The following CFH variants were observed in gnomAD, a reference collection of about 807,000 sequenced individuals.
CFH encodes complement factor H, also known as H factor 1 (complement).
A neutral mutation model predicts 147.3 loss-of-function variants in CFH; 53 were observed. That is an observed-to-expected ratio of 0.36 (90% confidence interval 0.29 to 0.45). The LOEUF (loss-of-function observed/expected upper bound fraction) is 0.45. CFH is among the 20% of genes least tolerant of loss of function. The pLI is 1.00. For missense variants in CFH, 1,380 were observed against 1,498.0 expected (o/e 0.92, Z 1.30); for synonymous variants, 536 against 489.4 (o/e 1.10, Z -1.26).
chr1:196,700,756 G>T (rs1393869504), intron 9 of CFH: 8 of 937,900 alleles, frequency 8.5e-6, no homozygotes, highest in Non-Finnish European at 8.9e-6. Flanking sequence ...GGCTGACCCA[G>T]AGAGAAGCTC....
chr1:196,674,960 T>A (rs970064596), intron 3 of CFH, among the ~76,000 whole-genome samples: 1 of 152,192 alleles, frequency 6.6e-6, no homozygotes, highest in Non-Finnish European at 1.5e-5. Context: ...TATGAATTTA[T>A]TCTCTCCTTA....
chr1:196,742,155 A>G (rs1307073962), intron 19 of CFH, 104 bp downstream of exon 19: 1 of 1,073,082 alleles, frequency 9.3e-7, no homozygotes, highest in Non-Finnish European at 1.4e-6. Flanking sequence ...TGGGCGGATC[A>G]CTTGAGGTCA....
At chr1:196,688,849 G>T (rs1667920092) in intron 7 of CFH, among the ~76,000 whole-genome samples, 2 of 152,080 alleles carry the variant, frequency 1.3e-5, no homozygotes, top group African/African-American at 2.4e-5. Flanking sequence ...CCTTACGAGT[G>T]ATCTGCCTGT....
chr1:196,722,439 T>C (rs965359666), intron 11 of CFH, among the ~76,000 whole-genome samples: 4 of 152,182 alleles, frequency 2.6e-5, no homozygotes, highest in African/African-American at 4.8e-5. Flanking sequence ...TTGTACAGTT[T>C]CTGCTGAGAA....
At chr1:196,728,107 A>G (rs1258610332) in intron 14 of CFH, among the ~76,000 whole-genome samples, 2 of 152,044 alleles carry the variant, frequency 1.3e-5, no homozygotes, top group Non-Finnish European at 2.9e-5. Flanking sequence ...GTATTTCCCA[A>G]AGAATAAAAT....
intron 9 of CFH, among the ~76,000 whole-genome samples, chr1:196,702,417 G>A (rs752844265): frequency 1.3e-5 from 2 of 151,580 alleles, no homozygotes; most frequent in Non-Finnish European, 2.9e-5. Context: ...CAGCCTATAG[G>A]ATTTATCTTG....
chr1:196,726,232 C>T (rs1049739345), intron 12 of CFH, among the ~76,000 whole-genome samples: 4 of 152,018 alleles, frequency 2.6e-5, no homozygotes, highest in Non-Finnish European at 4.4e-5. Flanking sequence ...AATTGGTTTT[C>T]TTGCATCTTT....
At chr1:196,718,411 A>T (rs1468814820) in intron 11 of CFH, among the ~76,000 whole-genome samples, 1 of 152,140 alleles carries the variant, frequency 6.6e-6, no homozygotes, top group Non-Finnish European at 1.5e-5. Flanking sequence ...TATAGTGAGA[A>T]GGGTATGTGC....
At chr1:196,692,027 A>G (rs1170335145) in intron 9 of CFH, among the ~76,000 whole-genome samples, 1 of 152,042 alleles carries the variant, frequency 6.6e-6, no homozygotes, top group African/African-American at 2.4e-5. Flanking sequence ...TATTTTGTAC[A>G]TTGTGTGTGT....
At chr1:196,690,468 C>T in intron 9 of CFH, 2 of 601,422 alleles carry the variant, frequency 3.3e-6, no homozygotes, top group Non-Finnish European at 5.9e-6. Flanking sequence ...GTCAAGAATA[C>T]AGTAAAAGAA....
chr1:196,678,660 A>C (rs1417122999), intron 5 of CFH: 2 of 152,074 alleles, frequency 1.3e-5, no homozygotes, highest in African/African-American at 4.8e-5. Flanking sequence ...GTGGTTAGTG[A>C]AAACTTCCTG....
chr1:196,737,539 A>C lies in CFH; in HGVS notation c.2661A>C (p.Ser887=). The change falls in exon 17 of 22, where the codon TCA becomes TCC. Residue 887 remains serine, a synonymous_variant. Coordinates refer to ENST00000367429, the MANE Select transcript of CFH (RefSeq NM_000186.4). ...GAACCATTAATTCATCCAGGTCTTC[A>C]CAAGAAAGTTATGCACATGGGACTA... The part of the protein sequence containing the change: ...EHGTINSSRS[S]QESYAHGTKL... 3 of 1,613,468 alleles carry C rather than the reference A, an allele frequency of 1.9e-6. No individual in the cohort carries two copies.
intron 1 of CFH, among the ~76,000 whole-genome samples, chr1:196,667,869 C>A (rs1667151152): frequency 6.6e-6 from 1 of 152,078 alleles, no homozygotes; most frequent in South Asian, 2.1e-4. Context: ...TTAGCAATTA[C>A]AACAAAACAT....
chr1:196,725,377 C>A lies in CFH; in HGVS notation c.1873+80C>A, dbSNP rs569503244. The A allele has an allele frequency of 1.2e-4, 159 of 1,336,116 alleles. 3 individuals carry two copies. In the South Asian group the frequency reaches 1.8e-3, roughly 15 times the overall value. The allele number at this position is 1,336,116 out of a possible 1,614,324, so 82.8% of individuals were successfully genotyped here. The stretch of plus-strand genomic sequence containing the variant: ...TTTTTTCTTATTAATTTTGTTTGGG[C>A]TCCCATTGCCTGTAATCTAATGAAT... On this transcript the variant is annotated intron_variant, in intron 12 of 21. Transcript: ENST00000367429.
At chr1:196,653,641 A>T (rs1666579351) in intron 1 of CFH, among the ~76,000 whole-genome samples, 1 of 152,084 alleles carries the variant, frequency 6.6e-6, no homozygotes, top group Non-Finnish European at 1.5e-5. Flanking sequence ...TGAATTTGAA[A>T]TATTATTAAA....
rs1667949556 is a variant in CFH at position 196,689,458 on chromosome 1, C to T, written c.1003C>T (p.Leu335=). 1 of 1,613,122 alleles carries T rather than the reference C, an allele frequency of 6.2e-7. No individual in the cohort carries two copies. The highest frequency in any genetic ancestry group is 1.7e-5 in the Admixed American group (1 of 59,892). Residue 335 remains leucine (L), a synonymous_variant, in exon 8 of 22, where the codon CTA becomes TTA. Coordinates refer to ENST00000367429, the MANE Select transcript of CFH (RefSeq NM_000186.4). ...CDYPDIKHGG[L]YHENMRRPYF... ...TTATCCAGACATTAAACATGGAGGT[C>T]TATATCATGAGAATATGCGTAGACC...
intron 1 of CFH, among the ~76,000 whole-genome samples, chr1:196,663,519 G>C (rs775415570): frequency 6.6e-6 from 1 of 151,996 alleles, no homozygotes; most frequent in Non-Finnish European, 1.5e-5. Context: ...GTTGATTATA[G>C]TCTGTATATA....
chr1:196,692,817 TC>T (rs1558163842), intron 9 of CFH, among the ~76,000 whole-genome samples: 4,198 of 75,420 alleles, frequency 0.056, 431 homozygotes, highest in East Asian at 0.22. Context: ...TTTCTTTCTT[TC>T]TTTCTCTTTC....
rs368670743 is a variant in CFH at position 196,726,556 on chromosome 1, G to A, written c.1960G>A (p.Val654Met). The change falls in exon 13 of 22, where the codon GTG becomes ATG. Residue 654 changes from valine to methionine, a missense_variant. This residue lies in a region of CFH where 830 missense variants were observed against 821.4 expected (regional missense o/e 1.01). Coordinates refer to ENST00000367429, the MANE Select transcript of CFH (RefSeq NM_000186.4). ...KTKEEYGHSE[V>M]VEYYCNPRFL... Reference sequence around the variant, plus strand: ...GAAAGAAGAATATGGACACAGTGAAGTGGTGGAATATTATTGCAATCCTAG... The same window carrying A: ...GAAAGAAGAATATGGACACAGTGAAATGGTGGAATATTATTGCAATCCTAG... The A allele has an allele frequency of 6.2e-7, 1 of 1,612,726 alleles. No individual in the cohort carries two copies. The highest frequency in any genetic ancestry group is 1.3e-5 in the African/African-American group (1 of 75,012).
Sources: gnomAD v4.1 joint callset for allele counts (sites outside exome capture counted in the v4.1 genomes callset) on GRCh38, gnomAD v4.1.1 for gene constraint, gnomAD v4.1.1 regional missense constraint, MANE v1.5 for transcripts, NCBI Gene and HGNC (gene_info 2026-07-23, HGNC 2026-07-21) for gene names.